GPR37L1: variants seen among roughly 807,000 people sequenced by gnomAD.
GPR37L1 encodes G protein-coupled receptor 37-like 1.
A neutral mutation model predicts 18.0 loss-of-function variants in GPR37L1; 18 were observed. The ratio of observed to expected loss-of-function variants is 1.00; its 90% CI spans 0.69 to 1.49. The LOEUF is 1.49. Ranked by LOEUF, GPR37L1 falls within the 40% of genes most tolerant of loss-of-function variation. The probability of loss-of-function intolerance (pLI) is 0.00; values close to 1 mark genes in which losing one functional copy is unlikely to be tolerated. For missense variants in GPR37L1, 558 were observed against 615.1 expected, an observed-to-expected ratio of 0.91 and a Z score of 0.98; for synonymous variants, 256 against 273.9, an observed-to-expected ratio of 0.93 and a Z score of 0.65.
intron 1 of GPR37L1, among the ~76,000 whole-genome samples, chr1:202,126,724 C>A (rs12737525): frequency 3.3e-5 from 5 of 151,998 alleles, no homozygotes; most frequent in African/African-American, 1.2e-4. Context: ...TGGTTTTCCA[C>A]GCGCTTGATG....
rs1312480751 is a variant in GPR37L1 at position 202,133,524 on chromosome 1, A to T, written c.*4968A>T. The T allele has an allele frequency of 3.3e-5, 5 of 152,248 alleles. No individual in the cohort carries two copies. The highest frequency in any genetic ancestry group is 5.9e-5 in the Non-Finnish European group (4 of 68,048). 9.4% of individuals were successfully genotyped at this position (152,248 alleles called of 1,614,324 possible). The stretch of plus-strand genomic sequence containing the variant: ...TAAATATGAGCTGAAAAGTGTAAAA[A>T]AGGAAGAGGAACATCACTTTACAAA... On this transcript the variant is annotated 3_prime_UTR_variant, in exon 2 of 2. Coordinates refer to ENST00000367282, the MANE Select transcript of GPR37L1 (RefSeq NM_004767.5).
rs562667151 is a variant in GPR37L1, at chr1:202,132,946, T to C, written c.*4390T>C. 1.3e-5 allele frequency: 2 copies of C among 152,334 alleles called. No individual in the cohort carries two copies. The highest frequency in any genetic ancestry group is 3.9e-4 in the East Asian group (2 of 5,170). The allele number at this position is 152,334 out of a possible 1,614,324, so 9.4% of individuals were successfully genotyped here. A position where few individuals can be genotyped will look rare whatever the true frequency, so the allele number is the denominator to read the frequency against. Reference sequence around the variant, plus strand: ...GAAGCACAGTTAACTGGTTCTGGGGTAGGAACTGGGGGCCGGAGGGACAGG... The same window carrying C: ...GAAGCACAGTTAACTGGTTCTGGGGCAGGAACTGGGGGCCGGAGGGACAGG... On this transcript the variant is annotated 3_prime_UTR_variant, in exon 2 of 2. Coordinates refer to ENST00000367282, the MANE Select transcript of GPR37L1 (RefSeq NM_004767.5).
rs988029357 is a variant in GPR37L1 at position 202,131,755 on chromosome 1, T to C, written c.*3199T>C. 6 of 151,916 alleles carry C rather than the reference T, an allele frequency of 3.9e-5. No homozygotes were observed. Among genetic ancestry groups the C allele is most frequent in the Admixed American group, 3.9e-4 (6 of 15,256 alleles). The allele number at this position is 151,916 out of a possible 1,614,324, so 9.4% of individuals were successfully genotyped here. A position where few individuals can be genotyped will look rare whatever the true frequency, so the allele number is the denominator to read the frequency against. ...GCCTGGCTGAACACTTTTTTTTTTT[T>C]GAGACAAGATCCCACTCAGTCACTC... On this transcript the variant is annotated 3_prime_UTR_variant, in exon 2 of 2. Coordinates refer to ENST00000367282, the MANE Select transcript of GPR37L1 (RefSeq NM_004767.5).
rs1654830774 is a variant in GPR37L1 at position 202,130,819 on chromosome 1, CTG to C, written c.*2264_*2265del. 2.6e-5 allele frequency: 4 copies of C among 152,414 alleles called. No homozygotes were observed. The highest frequency in any genetic ancestry group is 7.2e-5 in the African/African-American group (3 of 41,576). The allele number at this position is 152,414 out of a possible 1,614,324, so 9.4% of individuals were successfully genotyped here. A position where few individuals can be genotyped will look rare whatever the true frequency, so the allele number is the denominator to read the frequency against. On this transcript the variant is annotated 3_prime_UTR_variant, in exon 2 of 2. Coordinates refer to ENST00000367282, the MANE Select transcript of GPR37L1 (RefSeq NM_004767.5). The stretch of plus-strand genomic sequence containing the variant: ...GGGATGCAGGAAGGGGCCGGGTGAA[CTG>C]AGGTGAAGTCCAGGGCAGGGGAGTC...
rs574706369 is a variant in GPR37L1, at chr1:202,123,518, T to C, written c.555T>C (p.Pro185=). 1 of 1,613,618 alleles carries C rather than the reference T, an allele frequency of 6.2e-7. No homozygotes were observed. Among genetic ancestry groups the C allele is most frequent in the African/African-American group, 1.3e-5 (1 of 74,976 alleles). The change falls in exon 1 of 2, where the codon CCT becomes CCC. Residue 185 remains proline, a synonymous_variant. Coordinates refer to ENST00000367282, the MANE Select transcript of GPR37L1 (RefSeq NM_004767.5). ...WDFLVLFFCL[P]IVIFNEITKQ... ...TTCTGGTCCTCTTTTTCTGCCTCCC[T>C]ATTGTCATCTTCAACGAGATCACCA...
At position 202,128,424 on chromosome 1, in the gene GPR37L1, G is replaced by A. The variant is rs767258187; in HGVS notation, c.1314G>A (p.Glu438=). 6.2e-7 allele frequency: 1 copy of A among 1,612,806 alleles called. No homozygotes were observed. Among genetic ancestry groups the A allele is most frequent in the Non-Finnish European group, 8.5e-7 (1 of 1,179,524 alleles). Residue 438 remains glutamate, a synonymous_variant, in exon 2 of 2, where the codon GAG becomes GAA. Coordinates refer to ENST00000367282, the MANE Select transcript of GPR37L1 (RefSeq NM_004767.5). ...GCTGCTGCTGCTGCTGCTGTGAGGA[G>A]TGCGGCGGGGCTTCGGAGGCCTCTG... ...LDCCCCCCCE[E]CGGASEASAA... is the part of the protein sequence containing the mutation.
chr1:202,123,574 G>T lies in GPR37L1; in HGVS notation c.611G>T (p.Arg204Leu). ...KQRLLGDVSCRAVPFMEVSSL... is the reference protein window; with the variant it reads ...KQRLLGDVSCLAVPFMEVSSL... Reference sequence around the variant, plus strand: ...AGGCTACTGGGTGACGTTTCTTGTCGTGCCGTGCCCTTCATGGAGGTGAGT... The same window carrying T: ...AGGCTACTGGGTGACGTTTCTTGTCTTGCCGTGCCCTTCATGGAGGTGAGT... Residue 204 changes from arginine to leucine, a missense_variant, in exon 1 of 2, where the codon CGT becomes CTT. By Grantham distance (102) the Arg-to-Leu change is moderately radical. Coordinates refer to ENST00000367282, the MANE Select transcript of GPR37L1 (RefSeq NM_004767.5). 1 of 1,592,332 alleles carries T rather than the reference G, an allele frequency of 6.3e-7. No homozygotes were observed.
At position 202,123,046 on chromosome 1, in the gene GPR37L1, T is replaced by C; in HGVS notation, c.83T>C (p.Leu28Pro). ...AGCAGGGTCTCTGGGGGTGCCCCCCTGCACCTGGGCAGGCACAGAGCCGAG... is the reference window on the plus strand; with the variant it reads ...AGCAGGGTCTCTGGGGGTGCCCCCCCGCACCTGGGCAGGCACAGAGCCGAG... ...GLSRVSGGAP[L>P]HLGRHRAETQ... Residue 28 changes from leucine to proline, a missense_variant, in exon 1 of 2, where the codon CTG becomes CCG. Transcript: ENST00000367282. The C allele has an allele frequency of 6.2e-7, 1 of 1,613,678 alleles. No homozygotes were observed. Among genetic ancestry groups the C allele is most frequent in the Middle Eastern group, 1.7e-4 (1 of 5,784 alleles).
rs111909066 is a variant in GPR37L1, at chr1:202,126,838, C to CGTGTGTGTGTGTGTGTGT, written c.631-889_631-872dup. Among the ~76,000 whole-genome samples, 96 of 146,444 alleles carry CGTGTGTGTGTGTGTGTGT rather than the reference C, an allele frequency of 6.6e-4. 1 individual carries two copies. The South Asian group carries it at 9.2e-3, about 14-fold the overall frequency. ...GGACAGGGCCAGGAGCAGAAACGTG[C>CGTGTGTGTGTGTGTGTGT]GTGTGTGTGTGTGTGTGTGTGTGTG... On this transcript the variant is annotated intron_variant, in intron 1 of 1. Coordinates refer to ENST00000367282, the MANE Select transcript of GPR37L1 (RefSeq NM_004767.5).
Position 202,128,251 on chromosome 1 carries a change from G to A in GPR37L1, c.1141G>A (p.Val381Met), listed in dbSNP as rs115745935. ...CCTCCCAGAGAACGTCTGCAACATCGTGGTGGCCTACCTCTCCACCGAGCT... is the reference window on the plus strand; with the variant it reads ...CCTCCCAGAGAACGTCTGCAACATCATGGTGGCCTACCTCTCCACCGAGCT... ...CTLPENVCNI[V>M]VAYLSTELTR... The change falls in exon 2 of 2, where the codon GTG becomes ATG. Residue 381 changes from valine to methionine, a missense_variant. Val to Met is a conservative substitution (Grantham distance 21). Transcript: ENST00000367282. The A allele has an allele frequency of 1.1e-4, 171 of 1,613,930 alleles. No individual in the cohort carries two copies. Among genetic ancestry groups the A allele is most frequent in the Non-Finnish European group, 1.3e-4 (155 of 1,180,016 alleles).
rs1654879080 is a variant in GPR37L1, at chr1:202,132,362, AG to A, written c.*3807del. 1 of 152,258 alleles carries A rather than the reference AG, an allele frequency of 6.6e-6. No homozygotes were observed. Among genetic ancestry groups the A allele is most frequent in the African/African-American group, 2.4e-5 (1 of 41,462 alleles). 9.4% of individuals were successfully genotyped at this position (152,258 alleles called of 1,614,324 possible). ...GTTGGGAGGTACCCTAGAATCACTT[AG>A]CTTCAGATGCCAAATTCCATCCACA... On this transcript the variant is annotated 3_prime_UTR_variant, in exon 2 of 2. Transcript: ENST00000367282.
rs775565161 is a variant in GPR37L1 at position 202,122,962 on chromosome 1, C to G, written c.-2C>G. The G allele has an allele frequency of 6.2e-7, 1 of 1,612,444 alleles. No homozygotes were observed. Among genetic ancestry groups the G allele is most frequent in the South Asian group, 1.1e-5 (1 of 91,008 alleles). Reference sequence around the variant, plus strand: ...GGCTGGCTGTCTCCTGCTCATCCAGCCATGCGGTGGCTGTGGCCCCTGGCT... The same window carrying G: ...GGCTGGCTGTCTCCTGCTCATCCAGGCATGCGGTGGCTGTGGCCCCTGGCT... On this transcript the variant is annotated 5_prime_UTR_variant, in exon 1 of 2. Coordinates refer to ENST00000367282, the MANE Select transcript of GPR37L1 (RefSeq NM_004767.5).
Position 202,123,098 on chromosome 1 carries a change from G to A in GPR37L1, c.135G>A (p.Lys45=), listed in dbSNP as rs1246185386. The change falls in exon 1 of 2, where the codon AAG becomes AAA. Residue 45 remains lysine, a synonymous_variant. Coordinates refer to ENST00000367282, the MANE Select transcript of GPR37L1 (RefSeq NM_004767.5). ...AETQEQQSRS[K]RGTEDEEAKG... ...CCCAGGAGCAGCAGAGCCGATCCAA[G>A]AGGGGCACCGAGGATGAGGAGGCCA... 1.9e-6 allele frequency: 3 copies of A among 1,613,728 alleles called. No individual in the cohort carries two copies. The highest frequency in any genetic ancestry group is 1.7e-4 in the Middle Eastern group (1 of 5,980).
intron 1 of GPR37L1, among the ~76,000 whole-genome samples, chr1:202,125,772 A>C (rs1654643860): frequency 6.6e-6 from 1 of 152,140 alleles, no homozygotes; most frequent in African/African-American, 2.4e-5. Flanking sequence ...CCCAGAGTGG[A>C]ATGCCGTGGT....
chr1:202,127,322 C>CCTTT (rs1446647858), intron 1 of GPR37L1, among the ~76,000 whole-genome samples: 2 of 151,030 alleles, frequency 1.3e-5, no homozygotes, highest in Non-Finnish European at 3.0e-5. Flanking sequence ...TTCCTTCCTT[C>CCTTT]CTTCCTTGTT....
intron 1 of GPR37L1, among the ~76,000 whole-genome samples, chr1:202,127,373 G>T (rs1654697087): frequency 6.6e-6 from 1 of 151,024 alleles, no homozygotes; most frequent in South Asian, 2.1e-4. Flanking sequence ...GGAGTGCAGT[G>T]TCGTGATCTT....
In GPR37L1 at chr1:202,129,917, G is replaced by A. The variant is rs16849688; in HGVS notation, c.*1361G>A. 0.31 allele frequency: 47,206 copies of A among 152,564 alleles called. 7,993 individuals are homozygous for A. The highest frequency in any genetic ancestry group is 0.4 in the East Asian group (2,068 of 5,168). The allele number at this position is 152,564 out of a possible 1,614,324, so 9.5% of individuals were successfully genotyped here. A position where few individuals can be genotyped will look rare whatever the true frequency, so the allele number is the denominator to read the frequency against. On this transcript the variant is annotated 3_prime_UTR_variant, in exon 2 of 2. Transcript: ENST00000367282. ...CTTCCCAGCCTTTGTCACTCTGAGA[G>A]CTGCTCTTGTTCAGTTTCTTAGAAT...
rs1335072527 is a variant in GPR37L1, at chr1:202,128,225, C to T, written c.1115C>T (p.Thr372Ile). 1.4e-5 allele frequency: 23 copies of T among 1,613,950 alleles called. No homozygotes were observed. The highest frequency in any genetic ancestry group is 1.9e-5 in the Non-Finnish European group (23 of 1,180,004). Residue 372 changes from threonine to isoleucine, a missense_variant, in exon 2 of 2, where the codon ACC (threonine) becomes ATC (isoleucine). Transcript: ENST00000367282. ...CTGACCGTGGTCTACGCCTTCTGCACCCTCCCAGAGAACGTCTGCAACATC... is the reference window on the plus strand; with the variant it reads ...CTGACCGTGGTCTACGCCTTCTGCATCCTCCCAGAGAACGTCTGCAACATC... ...VGLTVVYAFCTLPENVCNIVV... is the reference protein window; with the variant it reads ...VGLTVVYAFCILPENVCNIVV...
At chr1:202,123,712 C>T (rs1337888590) in intron 1 of GPR37L1, 119 bp downstream of exon 1, 1 of 858,832 alleles carries the variant, frequency 1.2e-6, no homozygotes, top group South Asian at 1.7e-5. Flanking sequence ...AGTCTTGGAG[C>T]TCTGACTTGC....
Sources: allele counts gnomAD v4.1 joint callset (sites outside exome capture counted in the v4.1 genomes callset), GRCh38; gene constraint gnomAD v4.1.1; transcripts MANE v1.5; gene names NCBI Gene and HGNC (gene_info 2026-07-23, HGNC 2026-07-21).